Variants in MAGI1 observed in about 807,000 individuals in gnomAD.
MAGI1 encodes membrane associated guanylate kinase, WW and PDZ domain containing 1, also known as membrane-associated guanylate kinase, WW and PDZ domain-containing protein 1.
In MAGI1, 58 loss-of-function variants were observed where a neutral mutation model predicts 139.9. The ratio of observed to expected loss-of-function variants is 0.41; its 90% CI spans 0.34 to 0.52. The LOEUF is 0.52. Among genes scored for constraint, MAGI1 ranks in the 20% least tolerant of loss-of-function variants. MAGI1 has a pLI of 0.12. For synonymous variants in MAGI1, 812 were observed against 737.9 expected, an observed-to-expected ratio of 1.10 and a Z score of -1.63; for missense variants, 1,874 against 1,901.6, an observed-to-expected ratio of 0.99 and a Z score of 0.27.
chr3:65,411,943 T>C (rs1274848147), intron 12 of MAGI1, among the ~76,000 whole-genome samples: 1 of 152,180 alleles, frequency 6.6e-6, no homozygotes, highest in Non-Finnish European at 1.5e-5. Context: ...GATGACCACA[T>C]GAGTCCAGAA....
chr3:65,903,046 T>G (rs555207128), intron 1 of MAGI1, among the ~76,000 whole-genome samples: 2 of 152,202 alleles, frequency 1.3e-5, no homozygotes, highest in East Asian at 3.9e-4. Flanking sequence ...TAGAGTACAC[T>G]GGCGCAATCT....
At position 65,429,525 on chromosome 3, in the gene MAGI1, C is replaced by T. The variant is rs570431400; in HGVS notation, c.2162G>A (p.Arg721Gln). 8.7e-6 allele frequency: 14 copies of T among 1,607,470 alleles called. No homozygotes were observed. The highest frequency in any genetic ancestry group is 2.7e-5 in the African/African-American group (2 of 74,742). The change falls in exon 12 of 23, where the codon CGA becomes CAA. Residue 721 changes from arginine (R) to glutamine (Q), a missense_variant. By Grantham distance (43) the Arg-to-Gln change is conservative (BLOSUM62 1). Around this residue, in one of 5 missense-constraint regions of MAGI1, gnomAD observed 482 missense variants for 509.6 expected, o/e 0.95. Coordinates refer to ENST00000402939, the MANE Select transcript of MAGI1 (RefSeq NM_001033057.2). ...KGSEVTLLVQRGGLPVPKKSP... is the reference protein window; with the variant it reads ...KGSEVTLLVQQGGLPVPKKSP... The stretch of plus-strand genomic sequence containing the variant: ...AACAAAACAACCCTACTTACCTCCT[C>T]GTTGCACCAACAATGTGACCTCACT...
intron 2 of MAGI1, chr3:65,498,949 C>G (rs1213433886): frequency 2.1e-6 from 2 of 951,452 alleles, no homozygotes; most frequent in African/African-American, 3.5e-5. Context: ...GCCTTCATTA[C>G]ACTACATCCA....
intron 1 of MAGI1, among the ~76,000 whole-genome samples, chr3:65,657,518 G>A (rs2085947822): frequency 6.6e-6 from 1 of 151,970 alleles, no homozygotes. Flanking sequence ...ACAACAGAGA[G>A]CAACATGGAA....
At chr3:65,535,044 ACT>A (rs2107869607) in intron 2 of MAGI1, among the ~76,000 whole-genome samples, 1 of 151,766 alleles carries the variant, frequency 6.6e-6, no homozygotes, top group East Asian at 1.9e-4. Flanking sequence ...GACAAAAATA[ACT>A]CTGGCAGAAT....
At chr3:65,968,805 A>G (rs2064881900) in intron 1 of MAGI1, among the ~76,000 whole-genome samples, 1 of 152,150 alleles carries the variant, frequency 6.6e-6, no homozygotes, top group African/African-American at 2.4e-5. Flanking sequence ...AATATTCTAC[A>G]TAAGACCATT....
intron 1 of MAGI1, among the ~76,000 whole-genome samples, chr3:65,706,630 A>T (rs1285970446): frequency 6.6e-6 from 1 of 152,204 alleles, no homozygotes; most frequent in Non-Finnish European, 1.5e-5. Flanking sequence ...GGAGTGAAAG[A>T]TAAGGAGGAT....
intron 1 of MAGI1, among the ~76,000 whole-genome samples, chr3:66,034,241 G>A (rs1044636636): frequency 1.4e-4 from 22 of 151,956 alleles, no homozygotes; most frequent in African/African-American, 5.3e-4. Context: ...CAGTTCCCAG[G>A]TTACTATACT....
intron 1 of MAGI1, among the ~76,000 whole-genome samples, chr3:65,849,180 CG>C (rs2059117856): frequency 6.6e-6 from 1 of 151,348 alleles, no homozygotes; most frequent in African/African-American, 2.4e-5. Context: ...TGTGCCACCA[CG>C]CCTGACTAAG....
chr3:65,818,174 C>A (rs773219029), intron 1 of MAGI1, among the ~76,000 whole-genome samples: 1 of 152,134 alleles, frequency 6.6e-6, no homozygotes, highest in Non-Finnish European at 1.5e-5. Flanking sequence ...CTGTCCCAGT[C>A]CAGAAAACAC....
intron 12 of MAGI1, among the ~76,000 whole-genome samples, chr3:65,425,135 A>AAAAAAAC (rs1946939955): frequency 2.1e-4 from 18 of 87,768 alleles, no homozygotes; most frequent in Non-Finnish European, 2.9e-4. Flanking sequence ...AAAAAAAACA[A>AAAAAAAC]AAAAAAACAC....
intron 2 of MAGI1, among the ~76,000 whole-genome samples, chr3:65,548,881 G>T (rs932375840): frequency 1.3e-5 from 2 of 152,190 alleles, no homozygotes; most frequent in African/African-American, 2.4e-5. Flanking sequence ...TGAGCCAACA[G>T]TTCATTAAGT....
chr3:65,652,884 A>ATT (rs2085664114), intron 1 of MAGI1, among the ~76,000 whole-genome samples: 1 of 152,134 alleles, frequency 6.6e-6, no homozygotes, highest in Non-Finnish European at 1.5e-5. Flanking sequence ...ATACCTGAGA[A>ATT]AGCCATGATG....
At chr3:65,895,089 A>G (rs1225111385) in intron 1 of MAGI1, among the ~76,000 whole-genome samples, 1 of 152,246 alleles carries the variant, frequency 6.6e-6, no homozygotes, top group Non-Finnish European at 1.5e-5. Flanking sequence ...TGTGATGTTC[A>G]TGGAGGACTT....
chr3:65,610,290 G>A (rs1256894083), intron 2 of MAGI1, among the ~76,000 whole-genome samples: 1 of 152,104 alleles, frequency 6.6e-6, no homozygotes, highest in Non-Finnish European at 1.5e-5. Flanking sequence ...AAACAAAAAA[G>A]TTAATGAAAC....
At chr3:65,534,437 C>T (rs1315548468) in intron 2 of MAGI1, among the ~76,000 whole-genome samples, 1 of 152,106 alleles carries the variant, frequency 6.6e-6, no homozygotes, top group Non-Finnish European at 1.5e-5. Flanking sequence ...CTGCAGTGAG[C>T]TGTGAATATA....
At chr3:65,743,305 T>C (rs1012085253) in intron 1 of MAGI1, among the ~76,000 whole-genome samples, 1 of 152,352 alleles carries the variant, frequency 6.6e-6, no homozygotes, top group African/African-American at 2.4e-5. Flanking sequence ...CAGGATATAG[T>C]CTAGAAGATT....
At chr3:65,496,921 G>A (rs930760809) in intron 2 of MAGI1, among the ~76,000 whole-genome samples, 1 of 152,168 alleles carries the variant, frequency 6.6e-6, no homozygotes. Context: ...TTGTATGTAA[G>A]AAAGACAGAA....
chr3:65,565,967 T>C (rs1293819296), intron 2 of MAGI1, among the ~76,000 whole-genome samples: 1 of 151,636 alleles, frequency 6.6e-6, no homozygotes, highest in African/African-American at 2.4e-5. Flanking sequence ...AAAAACGTCA[T>C]AATATTTTAA....
Sources: allele counts gnomAD v4.1 joint callset (sites outside exome capture counted in the v4.1 genomes callset), GRCh38; gene constraint gnomAD v4.1.1; regional missense constraint gnomAD v4.1.1; transcripts MANE v1.5; gene names NCBI Gene and HGNC (gene_info 2026-07-23, HGNC 2026-07-21).